The following KMT2A variants were observed in gnomAD, a reference collection of about 807,000 sequenced individuals.
KMT2A encodes the protein lysine methyltransferase 2A.
A neutral mutation model predicts 345.3 loss-of-function variants in KMT2A; 16 were observed. That is an observed-to-expected ratio of 0.05 (90% CI 0.03 to 0.07). The LOEUF (loss-of-function observed/expected upper bound fraction) is 0.07, where lower values mean the gene tolerates loss of function less well. KMT2A is among the 10% of genes least tolerant of loss of function. KMT2A has a pLI of 1.00. For missense variants in KMT2A, 3,272 were observed against 4,841.6 expected (o/e 0.68, Z 9.62); for synonymous variants, 1,599 against 1,778.6 (o/e 0.90, Z 2.54).
rs1444719644 is a variant in KMT2A, at chr11:118,496,988, T to C, written c.5664+621T>C. On this transcript the variant is annotated intron_variant, in intron 20 of 35. Transcript: ENST00000534358. This position sits in a 1 kb window ranked among gnomAD's most constrained non-coding sequence, Gnocchi z 4.7. ...TTGTGTTTTTTGTTTTGTTTTGTTTTGTTTTTTTGAGCGGAGTTTCGCTCT... is the reference window on the plus strand; with the variant it reads ...TTGTGTTTTTTGTTTTGTTTTGTTTCGTTTTTTTGAGCGGAGTTTCGCTCT... Among the ~76,000 whole-genome samples, 8 of 152,226 alleles carry C rather than the reference T, an allele frequency of 5.3e-5. No homozygotes were observed. The highest frequency in any genetic ancestry group is 5.2e-4 in the Admixed American group (8 of 15,282).
At chr11:118,438,282 T>A (rs922473755) in intron 1 of KMT2A, among the ~76,000 whole-genome samples, 1 of 151,990 alleles carries the variant, frequency 6.6e-6, no homozygotes, top group Non-Finnish European at 1.5e-5. Flanking sequence ...TCCCCATTAG[T>A]ACTGGGGCAA....
rs2134361654 is a variant in KMT2A, at chr11:118,497,635, C to T, written c.5665-301C>T. ...CTGGTCTCAAACTCTTGGGCTCAAGCGATCCTACCACTTCAGCCTCCAAAA... is the reference window on the plus strand; with the variant it reads ...CTGGTCTCAAACTCTTGGGCTCAAGTGATCCTACCACTTCAGCCTCCAAAA... On this transcript the variant is annotated intron_variant, in intron 20 of 35. Transcript: ENST00000534358. This position sits in a 1 kb window ranked among gnomAD's most constrained non-coding sequence, Gnocchi z 4.8. Among the ~76,000 whole-genome samples, 1 of 152,240 alleles carries T rather than the reference C, an allele frequency of 6.6e-6. No individual in the cohort carries two copies.
chr11:118,502,432 A>C lies in KMT2A; in HGVS notation c.6540A>C (p.Thr2180=). 1 of 1,611,020 alleles carries C rather than the reference A, an allele frequency of 6.2e-7. No homozygotes were observed. Among genetic ancestry groups the C allele is most frequent in the Non-Finnish European group, 8.5e-7 (1 of 1,178,302 alleles). The change falls in exon 27 of 36, where the codon ACA becomes ACC. Residue 2180 remains threonine (T), a synonymous_variant. Coordinates refer to ENST00000534358, the MANE Select transcript of KMT2A (RefSeq NM_001197104.2). The surrounding 1 kb of genome is among the most constrained non-coding windows in gnomAD (Gnocchi z 4.9). ...SPTPTTHEIV[T]VGDPLLSSGL... ...CCCCAACCACTCATGAAATAGTCAC[A>C]GTAGGTGATCCTTTACTCTCCTCTG...
At chr11:118,517,312 T>G (rs1202186378) in intron 31 of KMT2A, among the ~76,000 whole-genome samples, 1 of 146,968 alleles carries the variant, frequency 6.8e-6, no homozygotes, top group Non-Finnish European at 1.5e-5. Context: ...AGCAGAATGG[T>G]GTGAACCCAG....
intron 1 of KMT2A, among the ~76,000 whole-genome samples, chr11:118,441,067 G>A (rs1041872231): frequency 7.9e-5 from 12 of 152,088 alleles, no homozygotes; most frequent in Non-Finnish European, 2.9e-5. Context: ...TCTGTTCTGT[G>A]TCAGTATTAT....
At chr11:118,512,050 C>T (rs782192738) in intron 31 of KMT2A, 25 bp downstream of exon 31, 1 of 1,592,626 alleles carries the variant, frequency 6.3e-7, no homozygotes, top group Non-Finnish European at 8.6e-7. Context: ...TGTTATTCCA[C>T]TCCTGTCTCA....
Position 118,522,996 on chromosome 11 carries a change from A to C in KMT2A, c.*824A>C. 4.5e-6 allele frequency: 1 copy of C among 222,488 alleles called. No homozygotes were observed. The highest frequency in any genetic ancestry group is 9.0e-6 in the Non-Finnish European group (1 of 111,026). The allele number at this position is 222,488 out of a possible 1,614,324, so 13.8% of individuals were successfully genotyped here. ...AAGGACACTCCCTGCTGGGCATAGG[A>C]TGTGCCTGCAAAAAGTTCCCTGAGC... On this transcript the variant is annotated 3_prime_UTR_variant, in exon 36 of 36. Transcript: ENST00000534358. This position sits in a 1 kb window ranked among gnomAD's most constrained non-coding sequence, Gnocchi z 5.4.
In KMT2A at chr11:118,474,139, CCTT is replaced by C. The variant is rs1057520073; in HGVS notation, c.2982_2984del (p.Ser997del). The C allele has an allele frequency of 5.0e-6, 8 of 1,614,106 alleles. No homozygotes were observed. The highest frequency in any genetic ancestry group is 6.8e-6 in the Non-Finnish European group (8 of 1,180,042). ...GGAGAAAACCCTCTGCCTTTCCACT[CCTT>C]CATCTAGCACTGTTAAACATTCCAC... On this transcript the variant is annotated inframe_deletion, in exon 3 of 36. Transcript: ENST00000534358.
In KMT2A at chr11:118,506,301, C is replaced by T. The variant is rs782211693; in HGVS notation, c.10409C>T (p.Ser3470Phe). The change falls in exon 27 of 36, where the codon TCT (serine) becomes TTT (phenylalanine). Residue 3470 changes from serine to phenylalanine, a missense_variant. Ser to Phe is a radical substitution (Grantham distance 155). Transcript: ENST00000534358. ...CTTGCCAGCAAAACTGGGATTCATT[C>T]TTCCCAGCGTGATCTTGATTCTGCT... is the stretch of plus-strand genomic sequence containing the variant. ...QLLASKTGIHSSQRDLDSASG... is the reference protein window; with the variant it reads ...QLLASKTGIHFSQRDLDSASG... The T allele has an allele frequency of 1.9e-6, 3 of 1,614,202 alleles. No individual in the cohort carries two copies. The highest frequency in any genetic ancestry group is 2.7e-5 in the African/African-American group (2 of 75,046).
chr11:118,499,978 G>C (rs1000009405), intron 24 of KMT2A, 65 bp downstream of exon 24: 2 of 1,046,550 alleles, frequency 1.9e-6, no homozygotes, highest in South Asian at 1.3e-5. Flanking sequence ...CCATGTGCAG[G>C]TCATTAAATG....
intron 5 of KMT2A, among the ~76,000 whole-genome samples, chr11:118,479,845 C>T (rs1319415305): frequency 2.6e-5 from 4 of 152,094 alleles, no homozygotes; most frequent in African/African-American, 9.7e-5. Flanking sequence ...ATATTAACAT[C>T]GTAAGAGAGT....
Position 118,498,236 on chromosome 11 carries a change from T to C in KMT2A, c.5803-134T>C. The C allele has an allele frequency of 1.7e-6, 2 of 1,186,490 alleles. No individual in the cohort carries two copies. The highest frequency in any genetic ancestry group is 2.4e-6 in the Non-Finnish European group (2 of 838,354). 73.5% of individuals were successfully genotyped at this position (1,186,490 alleles called of 1,614,324 possible). A position where few individuals can be genotyped will look rare whatever the true frequency, so the allele number is the denominator to read the frequency against. On this transcript the variant is annotated intron_variant, in intron 21 of 35. Transcript: ENST00000534358. This position sits in a 1 kb window ranked among gnomAD's most constrained non-coding sequence, Gnocchi z 4.4. ...ATTCAACAGATAAAATGATAAATTTTATCTGTTTTCAATTTATCAATAGAT... is the reference window on the plus strand; with the variant it reads ...ATTCAACAGATAAAATGATAAATTTCATCTGTTTTCAATTTATCAATAGAT...
At chr11:118,466,138 C>T (rs1419516423) in intron 1 of KMT2A, among the ~76,000 whole-genome samples, 1 of 152,038 alleles carries the variant, frequency 6.6e-6, no homozygotes, top group Non-Finnish European at 1.5e-5. Context: ...TTGAGACCAG[C>T]CTGGGCAACA....
rs782310121 is a variant in KMT2A at position 118,520,723 on chromosome 11, G to A, written c.11430-79G>A. The A allele has an allele frequency of 9.7e-7, 1 of 1,025,724 alleles. No individual in the cohort carries two copies. The highest frequency in any genetic ancestry group is 1.5e-6 in the Non-Finnish European group (1 of 651,142). The allele number at this position is 1,025,724 out of a possible 1,614,324, so 63.5% of individuals were successfully genotyped here. On this transcript the variant is annotated intron_variant, in intron 33 of 35. Transcript: ENST00000534358. The surrounding 1 kb of genome is among the most constrained non-coding windows in gnomAD (Gnocchi z 4.3). Reference sequence around the variant, plus strand: ...GCATTAAACAAAGAGTGTACTAATTGTCTCTAGGAACCTTCGATTCAAGAC... The same window carrying A: ...GCATTAAACAAAGAGTGTACTAATTATCTCTAGGAACCTTCGATTCAAGAC...
intron 10 of KMT2A, 92 bp downstream of exon 10, chr11:118,485,067 A>G: frequency 1.2e-6 from 1 of 802,670 alleles, no homozygotes. Context: ...GGTATTTAGC[A>G]GGTACTATTC....
chr11:118,471,728 T>C lies in KMT2A; in HGVS notation c.569T>C (p.Leu190Pro). The change falls in exon 3 of 36, where the codon CTC becomes CCC. Residue 190 changes from leucine to proline, a missense_variant. By Grantham distance (98) the Leu-to-Pro change is moderately conservative. Transcript: ENST00000534358. ...RSGSDRNSAILSDPSVFSPLN... is the reference protein window; with the variant it reads ...RSGSDRNSAIPSDPSVFSPLN... ...GGCTCTGACCGAAATTCAGCTATCC[T>C]CTCAGATCCATCTGTGTTTTCCCCT... 6.2e-7 allele frequency: 1 copy of C among 1,611,356 alleles called. No homozygotes were observed. The highest frequency in any genetic ancestry group is 8.5e-7 in the Non-Finnish European group (1 of 1,179,312).
Position 118,504,154 on chromosome 11 carries a change from G to T in KMT2A, c.8262G>T (p.Glu2754Asp), listed in dbSNP as rs1950544940. The change falls in exon 27 of 36, where the codon GAG becomes GAT. Residue 2754 changes from glutamate to aspartate, a missense_variant. This residue lies in a region of KMT2A where 100 missense variants were observed against 101.3 expected (regional missense o/e 0.99). Transcript: ENST00000534358. This position sits in a 1 kb window ranked among gnomAD's most constrained non-coding sequence, Gnocchi z 6.4. ...PKRNGKENGT[E>D]NLKIDRPEDA... The stretch of plus-strand genomic sequence containing the variant: ...GAAATGGTAAAGAAAATGGAACAGA[G>T]AACTTAAAGATTGATAGACCTGAAG... 1 of 1,614,156 alleles carries T rather than the reference G, an allele frequency of 6.2e-7. No individual in the cohort carries two copies. Among genetic ancestry groups the T allele is most frequent in the Non-Finnish European group, 8.5e-7 (1 of 1,180,034 alleles).
intron 26 of KMT2A, 93 bp downstream of exon 26, chr11:118,501,950 C>A: frequency 8.9e-7 from 1 of 1,122,692 alleles, no homozygotes; most frequent in Non-Finnish European, 1.3e-6. Context: ...GTGACTTTTA[C>A]TGATTGAAAA....
chr11:118,473,107 A>C lies in KMT2A; in HGVS notation c.1948A>C (p.Asn650His), dbSNP rs1949971943. ...TCTTATTCGCAAACCAATATTTGAT[A>C]ATTTCCGACCCCCTCCACTAACTCC... ...EGLIRKPIFD[N>H]FRPPPLTPED... Residue 650 changes from asparagine to histidine, a missense_variant, in exon 3 of 36, where the codon AAT becomes CAT. This residue lies in a region of KMT2A where 114 missense variants were observed against 203.2 expected (regional missense o/e 0.56). Coordinates refer to ENST00000534358, the MANE Select transcript of KMT2A (RefSeq NM_001197104.2). The surrounding 1 kb of genome is among the most constrained non-coding windows in gnomAD (Gnocchi z 5.2). The C allele has an allele frequency of 6.2e-7, 1 of 1,614,058 alleles. No individual in the cohort carries two copies. The highest frequency in any genetic ancestry group is 1.3e-5 in the African/African-American group (1 of 74,934).
Sources: gnomAD v4.1 joint callset for allele counts (sites outside exome capture counted in the v4.1 genomes callset) on GRCh38, gnomAD v4.1.1 for gene constraint, gnomAD v4.1.1 regional missense constraint, Gnocchi (gnomAD v3.1) non-coding constraint, MANE v1.5 for transcripts, NCBI Gene and HGNC (gene_info 2026-07-23, HGNC 2026-07-21) for gene names.